NEXMIF: variants seen among roughly 807,000 people sequenced by gnomAD.
NEXMIF encodes neurite extension and migration factor.
A neutral mutation model predicts 62.1 loss-of-function variants in NEXMIF; 8 were observed. That is an observed-to-expected ratio of 0.13 (90% CI 0.08 to 0.23). The LOEUF is 0.23. NEXMIF is among the 10% of genes least tolerant of loss of function. The pLI, the probability that NEXMIF is intolerant of heterozygous loss-of-function variation, is 1.00. For missense variants in NEXMIF, 976 were observed against 1,113.3 expected (o/e 0.88, Z 1.75); for synonymous variants, 404 against 416.6 (o/e 0.97, Z 0.37).
intron 1 of NEXMIF, among the ~76,000 whole-genome samples, chrX:74,759,148 G>A (rs1180685716): frequency 2.7e-5 from 3 of 112,292 alleles, no homozygotes; most frequent in African/African-American, 9.7e-5. Context: ...TTTCTCTAAT[G>A]ATCAGTGACG....
chrX:74,870,806 G>A (rs2080597691), intron 1 of NEXMIF, among the ~76,000 whole-genome samples: 1 of 111,643 alleles, frequency 9.0e-6, no homozygotes, highest in Non-Finnish European at 1.9e-5. Context: ...TAAAAGACAG[G>A]CAATAACAAA....
chrX:74,738,797 CA>C lies in NEXMIF; in HGVS notation c.*607del, dbSNP rs2080092299. 1.8e-5 allele frequency: 2 copies of C among 108,454 alleles called. No homozygotes were observed. Among genetic ancestry groups the C allele is most frequent in the Non-Finnish European group, 3.8e-5 (2 of 52,111 alleles). 8.9% of individuals were successfully genotyped at this position (108,454 alleles called of 1,213,427 possible). A position where few individuals can be genotyped will look rare whatever the true frequency, so the allele number is the denominator to read the frequency against. On this transcript the variant is annotated 3_prime_UTR_variant, in exon 4 of 4. Coordinates refer to ENST00000055682, the MANE Select transcript of NEXMIF (RefSeq NM_001008537.3). ...TAGCTGTTCATGTTTCCACACAGGA[CA>C]GTAGAGTCTAAAACTTTAAAAGAAC...
intron 1 of NEXMIF, among the ~76,000 whole-genome samples, chrX:74,819,714 T>C (rs939054443): frequency 4.5e-5 from 5 of 111,656 alleles, no homozygotes; most frequent in African/African-American, 1.3e-4. Flanking sequence ...TGTGGAGAAA[T>C]AGAAATGCTT....
At chrX:74,888,263 C>T (rs1345668924) in intron 1 of NEXMIF, among the ~76,000 whole-genome samples, 1 of 106,084 alleles carries the variant, frequency 9.4e-6, no homozygotes, top group African/African-American at 3.5e-5. Context: ...ACGTTGTGCA[C>T]ATGTACCCTA....
chrX:74,808,853 G>T (rs2080352577), intron 1 of NEXMIF, among the ~76,000 whole-genome samples: 1 of 112,253 alleles, frequency 8.9e-6, no homozygotes, highest in South Asian at 3.7e-4. Context: ...TTTAACGGCT[G>T]GAGGAGGGAA....
At position 74,814,437 on chromosome X, in the gene NEXMIF, G is replaced by C. The variant is rs2080369649; in HGVS notation, c.-47-68740C>G. ...TTGTGGAATCTAAAGTGTTTTAGGG[G>C]ATCCACAATAGTACTACAGACCTAG... On this transcript the variant is annotated intron_variant, in intron 1 of 3. Coordinates refer to ENST00000055682, the MANE Select transcript of NEXMIF (RefSeq NM_001008537.3). 2.7e-5 allele frequency among the ~76,000 whole-genome samples: 3 copies of C among 111,743 alleles called. No homozygotes were observed. In the Admixed American group the frequency reaches 2.9e-4, roughly 11 times the overall value.
At chrX:74,790,567 A>C (rs1422458386) in intron 1 of NEXMIF, among the ~76,000 whole-genome samples, 1 of 112,678 alleles carries the variant, frequency 8.9e-6, no homozygotes, top group Non-Finnish European at 1.9e-5. Flanking sequence ...TACCTTGGGC[A>C]GTATGGCCAT....
chrX:74,838,366 T>C, intron 1 of NEXMIF, among the ~76,000 whole-genome samples: 1 of 112,286 alleles, frequency 8.9e-6, no homozygotes, highest in Non-Finnish European at 1.9e-5. Flanking sequence ...CTGATATTAC[T>C]AGATATTAAG....
chrX:74,770,876 A>G (rs902187355), intron 1 of NEXMIF, among the ~76,000 whole-genome samples: 5 of 112,182 alleles, frequency 4.5e-5, no homozygotes, highest in Non-Finnish European at 9.4e-5. Context: ...ACTGATATTT[A>G]TAATAGCTTA....
At chrX:74,828,826 C>T (rs1012615673) in intron 1 of NEXMIF, among the ~76,000 whole-genome samples, 1 of 111,619 alleles carries the variant, frequency 9.0e-6, no homozygotes, top group African/African-American at 3.3e-5. Context: ...GAAATCTTCC[C>T]TTATCTAATC....
At chrX:74,806,727 T>A (rs959404873) in intron 1 of NEXMIF, among the ~76,000 whole-genome samples, 1 of 112,904 alleles carries the variant, frequency 8.9e-6, no homozygotes, top group African/African-American at 3.2e-5. Flanking sequence ...TGATACTTTT[T>A]ATGTTAATTT....
chrX:74,791,170 A>G (rs2080280982), intron 1 of NEXMIF, among the ~76,000 whole-genome samples: 1 of 111,433 alleles, frequency 9.0e-6, no homozygotes, highest in African/African-American at 3.3e-5. Flanking sequence ...TAATTTATTG[A>G]GAGTTTTTAG....
chrX:74,741,235 T>C lies in NEXMIF; in HGVS notation c.3322A>G (p.Ser1108Gly). 2 of 1,211,532 alleles carry C rather than the reference T, an allele frequency of 1.7e-6. No homozygotes were observed. The highest frequency in any genetic ancestry group is 4.6e-4 in the Middle Eastern group (2 of 4,354). ...FQEGVPGPLD[S>G]VEKIKWDCST... ...CAGTCCCACTTGATTTTTTCCACAC[T>C]GTCCAATGGTCCTGGGACACCCTCT... is the stretch of plus-strand genomic sequence containing the variant. Residue 1108 changes from serine (S) to glycine (G), a missense_variant, in exon 3 of 4, where the codon AGT becomes GGT. Ser to Gly is a moderately conservative substitution (Grantham distance 56, BLOSUM62 0). Coordinates refer to ENST00000055682, the MANE Select transcript of NEXMIF (RefSeq NM_001008537.3).
At chrX:74,866,226 C>T (rs996143669) in intron 1 of NEXMIF, among the ~76,000 whole-genome samples, 16 of 111,845 alleles carry the variant, frequency 1.4e-4, no homozygotes, top group Non-Finnish European at 1.3e-4. Flanking sequence ...GGATGTGAGA[C>T]ATGGGGTCAA....
intron 1 of NEXMIF, among the ~76,000 whole-genome samples, chrX:74,815,562 G>A (rs191118889): frequency 9.1e-6 from 1 of 110,287 alleles, no homozygotes; most frequent in Admixed American, 9.7e-5. Flanking sequence ...AAAAACCAGT[G>A]GTTCTTACTG....
intron 1 of NEXMIF, among the ~76,000 whole-genome samples, chrX:74,868,259 A>C (rs1447113758): frequency 1.8e-5 from 2 of 112,005 alleles, no homozygotes; most frequent in African/African-American, 6.5e-5. Flanking sequence ...CATTTGACCC[A>C]GCAATCCTGT....
chrX:74,761,024 C>T (rs937229381), intron 1 of NEXMIF, among the ~76,000 whole-genome samples: 1 of 109,768 alleles, frequency 9.1e-6, no homozygotes, highest in Non-Finnish European at 1.9e-5. Context: ...GGCATTACCA[C>T]GCCCAGCTGA....
chrX:74,765,816 A>G (rs1266762566), intron 1 of NEXMIF, among the ~76,000 whole-genome samples: 4 of 104,747 alleles, frequency 3.8e-5, no homozygotes, highest in African/African-American at 7.0e-5. Flanking sequence ...GCCTGAGTTC[A>G]AGAGTTTGAG....
rs377062741 is a variant in NEXMIF, at chrX:74,874,308, T to C, written c.-48+50575A>G. Among the ~76,000 whole-genome samples, 230 of 100,308 alleles carry C rather than the reference T, an allele frequency of 2.3e-3. 2 individuals carry two copies. Among genetic ancestry groups the C allele is most frequent in the Non-Finnish European group, 3.1e-3 (156 of 49,628 alleles). 87.1% of individuals were successfully genotyped at this position (100,308 alleles called of 115,157 possible). On this transcript the variant is annotated intron_variant, in intron 1 of 3. Coordinates refer to ENST00000055682, the MANE Select transcript of NEXMIF (RefSeq NM_001008537.3). ...GTCAAAGATCAGATAGTTGTAGATA[T>C]GTGGCATTATTTCTGAGGGCTCTGT...
Sources: gnomAD v4.1 joint callset for allele counts (sites outside exome capture counted in the v4.1 genomes callset) on GRCh38, gnomAD v4.1.1 for gene constraint, MANE v1.5 for transcripts, NCBI Gene and HGNC (gene_info 2026-07-23, HGNC 2026-07-21) for gene names.